GPCPD1: variants seen among roughly 807,000 people sequenced by gnomAD.
GPCPD1 encodes glycerophosphocholine phosphodiesterase GPCPD1.
Under a neutral mutation model 89.2 loss-of-function variants are expected in GPCPD1, and 29 were observed. The observed-to-expected ratio is 0.33, with a 90% CI of 0.24 to 0.44. GPCPD1 has a LOEUF of 0.44. GPCPD1 is among the 20% of genes least tolerant of loss of function. GPCPD1 has a pLI of 1.00. For synonymous variants in GPCPD1, 258 were observed against 266.3 expected (o/e 0.97, Z 0.30); for missense variants, 594 against 808.9 (o/e 0.73, Z 3.22).
Position 5,561,492 on chromosome 20 carries a change from A to G in GPCPD1, c.1368T>C (p.Ile456=), listed in dbSNP as rs1017608344. Residue 456 remains isoleucine (I), a synonymous_variant, in exon 16 of 20, where the codon ATT becomes ATC. Coordinates refer to ENST00000379019, the MANE Select transcript of GPCPD1 (RefSeq NM_019593.5). The part of the protein sequence containing the change: ...ESLPEDVGFN[I]EIKWICQQRD... Reference sequence around the variant, plus strand: ...TTTGCTGGCAGATCCATTTTATTTCAATGTTAAACCCTACATCTTCTGGCA... The same window carrying G: ...TTTGCTGGCAGATCCATTTTATTTCGATGTTAAACCCTACATCTTCTGGCA... 7.5e-6 allele frequency: 12 copies of G among 1,599,414 alleles called. No individual in the cohort carries two copies. The highest frequency in any genetic ancestry group is 9.4e-6 in the Non-Finnish European group (11 of 1,167,828).
intron 2 of GPCPD1, among the ~76,000 whole-genome samples, chr20:5,603,822 C>T (rs1015719246): frequency 2.0e-5 from 3 of 150,890 alleles, no homozygotes; most frequent in African/African-American, 4.9e-5. Flanking sequence ...TCTCAGGTCA[C>T]TGCAACCTCT....
chr20:5,577,068 T>C (rs1268691024), intron 8 of GPCPD1, among the ~76,000 whole-genome samples: 1 of 136,386 alleles, frequency 7.3e-6, no homozygotes, highest in East Asian at 2.0e-4. Context: ...TTTTTTTGTT[T>C]TTTTTTTTTT....
At chr20:5,593,760 A>G (rs565714270) in intron 3 of GPCPD1, among the ~76,000 whole-genome samples, 7 of 152,356 alleles carry the variant, frequency 4.6e-5, no homozygotes, top group African/African-American at 1.7e-4. Context: ...AACCAGCCAT[A>G]TAAAGAGCCA....
intron 3 of GPCPD1, among the ~76,000 whole-genome samples, chr20:5,596,971 T>C (rs143871987): frequency 5.3e-5 from 8 of 152,288 alleles, no homozygotes; most frequent in South Asian, 2.1e-4. Context: ...TTTGACCAAG[T>C]TGGCTGAAAC....
At position 5,610,961 on chromosome 20, in the gene GPCPD1, T is replaced by G. The variant is rs1482811711; in HGVS notation, c.-148A>C. The G allele has an allele frequency of 6.6e-6, 1 of 151,858 alleles. No homozygotes were observed. The highest frequency in any genetic ancestry group is 6.6e-5 in the Admixed American group (1 of 15,246). The allele number at this position is 151,858 out of a possible 1,614,324, so 9.4% of individuals were successfully genotyped here. A position where few individuals can be genotyped will look rare whatever the true frequency, so the allele number is the denominator to read the frequency against. On this transcript the variant is annotated 5_prime_UTR_variant, in exon 1 of 20. Transcript: ENST00000379019. ...TCGCCAGCGCTCCCCCCAGGCGGCC[T>G]GCCGCGGCGTCGAGCGGCAGGAAGC...
intron 16 of GPCPD1, among the ~76,000 whole-genome samples, chr20:5,561,064 A>T (rs921345138): frequency 2.0e-5 from 3 of 152,208 alleles, no homozygotes; most frequent in African/African-American, 7.2e-5. Flanking sequence ...AATTGCAGAA[A>T]TTTTTTTCCT....
At chr20:5,561,358 A>G (rs955695158) in intron 16 of GPCPD1, 107 bp downstream of exon 16, 8 of 593,708 alleles carry the variant, frequency 1.3e-5, no homozygotes, top group African/African-American at 7.6e-5. Context: ...GGAAGCCACA[A>G]TGAGATTTCA....
Position 5,604,386 on chromosome 20 carries a change from T to G in GPCPD1, c.27A>C (p.Glu9Asp). The G allele has an allele frequency of 6.4e-7, 1 of 1,558,802 alleles. No homozygotes were observed. The highest frequency in any genetic ancestry group is 2.2e-5 in the East Asian group (1 of 44,562). The change falls in exon 2 of 20, where the codon GAA becomes GAC. Residue 9 changes from glutamate to aspartate, a missense_variant. Physicochemically the swap from Glu to Asp is conservative, Grantham distance 45 (BLOSUM62 2). Coordinates refer to ENST00000379019, the MANE Select transcript of GPCPD1 (RefSeq NM_019593.5). MTPSQVAF[E>D]IRGTLLPGEV... ...TACCTGGTAAAAGAGTTCCTCTTAT[T>G]TCAAAGGCAACCTGAGAAGGTGTCA...
At chr20:5,601,660 T>C (rs1163884776) in intron 2 of GPCPD1, among the ~76,000 whole-genome samples, 2 of 151,978 alleles carry the variant, frequency 1.3e-5, no homozygotes, top group South Asian at 2.1e-4. Context: ...TGAGCCACCA[T>C]GCCCAGCCAA....
chr20:5,577,625 CTGT>C (rs1171581359), intron 8 of GPCPD1, among the ~76,000 whole-genome samples: 1 of 151,966 alleles, frequency 6.6e-6, no homozygotes, highest in East Asian at 1.9e-4. Context: ...ATTCTGAATT[CTGT>C]TGTTCTCAAG....
rs756998762 is a variant in GPCPD1 at position 5,547,788 on chromosome 20, T to C, written c.1892A>G (p.Lys631Arg). The part of the protein sequence containing the change: ...IFQVEQLERL[K>R]QELPELKSCL... ...GCTCTTAAGCTCTGGCAATTCCTGC[T>C]TCAGGCGTTCCAATTGCTCCACTTG... is the stretch of plus-strand genomic sequence containing the variant. Residue 631 changes from lysine to arginine, a missense_variant, in exon 20 of 20, where the codon AAG (lysine) becomes AGG (arginine). Physicochemically the swap from Lys to Arg is conservative, Grantham distance 26. Transcript: ENST00000379019. 1.2e-6 allele frequency: 2 copies of C among 1,610,872 alleles called. No homozygotes were observed. The highest frequency in any genetic ancestry group is 2.7e-5 in the African/African-American group (2 of 74,892).
intron 10 of GPCPD1, 33 bp downstream of exon 10, chr20:5,575,380 C>T: frequency 6.5e-7 from 1 of 1,529,248 alleles, no homozygotes. Flanking sequence ...TAAGCTACAC[C>T]AAATGCTAAT....
intron 17 of GPCPD1, 31 bp downstream of exon 17, chr20:5,559,909 A>G (rs941712528): frequency 6.1e-6 from 8 of 1,314,436 alleles, no homozygotes; most frequent in African/African-American, 1.5e-5. Flanking sequence ...ACATTCTAAG[A>G]GTATAGGAAA....
chr20:5,558,409 A>G (rs1184460892), intron 18 of GPCPD1, among the ~76,000 whole-genome samples: 2 of 152,192 alleles, frequency 1.3e-5, no homozygotes, highest in Non-Finnish European at 2.9e-5. Context: ...TAATATTTTT[A>G]AAAGGCATAC....
At position 5,604,451 on chromosome 20, in the gene GPCPD1, A is replaced by G; in HGVS notation, c.-28-11T>C. On this transcript the variant is annotated splice_polypyrimidine_tract_variant and intron_variant, in intron 1 of 19. Transcript: ENST00000379019. ...TTTTATGATGTCGTGCTAGGAAAAA[A>G]AAGAAAAGTAACTTATAGTATAAAA... 1 of 1,294,938 alleles carries G rather than the reference A, an allele frequency of 7.7e-7. No homozygotes were observed. The allele number at this position is 1,294,938 out of a possible 1,614,324, so 80.2% of individuals were successfully genotyped here.
chr20:5,554,847 G>A (rs753699963), intron 19 of GPCPD1, among the ~76,000 whole-genome samples: 5 of 152,204 alleles, frequency 3.3e-5, no homozygotes, highest in Admixed American at 6.5e-5. Flanking sequence ...TATCATTCCA[G>A]ATACCATTAA....
chr20:5,554,630 C>A (rs904179578), intron 19 of GPCPD1, among the ~76,000 whole-genome samples: 5 of 152,168 alleles, frequency 3.3e-5, no homozygotes, highest in Admixed American at 1.3e-4. Context: ...TATTACTGAT[C>A]ATTGACAATG....
Position 5,559,985 on chromosome 20 carries a change from T to G in GPCPD1, c.1487A>C (p.Lys496Thr). 6.4e-7 allele frequency: 1 copy of G among 1,567,204 alleles called. No individual in the cohort carries two copies. The highest frequency in any genetic ancestry group is 8.7e-7 in the Non-Finnish European group (1 of 1,147,788). ...AAATGAAGAAAACACTATTCTCCTC[T>G]TCCCAGAATTTTCTAAAACAGTTTT... ...ILKTVLENSG[K>T]RRIVFSSFDA... Residue 496 changes from lysine (K) to threonine (T), a missense_variant, in exon 17 of 20, where the codon AAG becomes ACG. Physicochemically the swap from Lys to Thr is moderately conservative, Grantham distance 78. Coordinates refer to ENST00000379019, the MANE Select transcript of GPCPD1 (RefSeq NM_019593.5).
At chr20:5,578,733 A>C in intron 7 of GPCPD1, 122 bp from the exon 8 acceptor site, 1 of 641,740 alleles carries the variant, frequency 1.6e-6, no homozygotes, top group Non-Finnish European at 2.8e-6. Flanking sequence ...AATAACAAAA[A>C]TAATGTATTA....
Sources: gnomAD v4.1 joint callset for allele counts (sites outside exome capture counted in the v4.1 genomes callset) on GRCh38, gnomAD v4.1.1 for gene constraint, MANE v1.5 for transcripts, NCBI Gene and HGNC (gene_info 2026-07-23, HGNC 2026-07-21) for gene names.